The following RORA variants were observed in gnomAD, a reference collection of about 807,000 sequenced individuals.
RORA encodes nuclear receptor ROR-alpha.
Under a neutral mutation model 69.5 loss-of-function variants are expected in RORA, and 7 were observed. The observed-to-expected ratio is 0.10, with a 90% CI of 0.06 to 0.19. The LOEUF is 0.19. Ranked by LOEUF, RORA falls within the 10% of genes least tolerant of loss-of-function variation. The pLI, the probability that RORA is intolerant of heterozygous loss-of-function variation, is 1.00. For missense variants in RORA, 457 were observed against 663.0 expected (o/e 0.69, Z 3.41); for synonymous variants, 261 against 240.8 (o/e 1.08, Z -0.78).
intron 1 of RORA, among the ~76,000 whole-genome samples, chr15:60,876,624 A>G (rs902127127): frequency 1.3e-5 from 2 of 150,024 alleles, no homozygotes; most frequent in African/African-American, 4.9e-5. Context: ...ATTTTTGCTG[A>G]TTTTTTTTTT....
chr15:61,094,883 G>C (rs2078765820), intron 1 of RORA, among the ~76,000 whole-genome samples: 1 of 152,218 alleles, frequency 6.6e-6, no homozygotes, highest in Non-Finnish European at 1.5e-5. Flanking sequence ...CTCTGCCTGA[G>C]GAAGAATTCA....
rs187943186 is a variant in RORA at position 60,668,495 on chromosome 15, G to T, written c.196+10162C>A. Reference sequence around the variant, plus strand: ...AATACTCTTGTGGAGAAACCCTCCAGGGACCCAGAGGCTGCCCAGTTAAGT... The same window carrying T: ...AATACTCTTGTGGAGAAACCCTCCATGGACCCAGAGGCTGCCCAGTTAAGT... On this transcript the variant is annotated intron_variant, in intron 2 of 10. Coordinates refer to ENST00000335670, the MANE Select transcript of RORA (RefSeq NM_134261.3). Among the ~76,000 whole-genome samples the T allele has an allele frequency of 9.0e-4, 137 of 152,258 alleles. 1 individual carries two copies. The highest frequency in any genetic ancestry group is 3.2e-3 in the African/African-American group (131 of 41,554).
intron 1 of RORA, among the ~76,000 whole-genome samples, chr15:61,185,574 A>C (rs1596056294): frequency 6.6e-6 from 1 of 152,162 alleles, no homozygotes; most frequent in East Asian, 1.9e-4. Flanking sequence ...CCCAAACTAG[A>C]AATCTTAGAT....
chr15:60,755,478 A>C (rs1052142142), intron 1 of RORA, among the ~76,000 whole-genome samples: 14 of 152,142 alleles, frequency 9.2e-5, no homozygotes, highest in Non-Finnish European at 1.5e-5. Context: ...AGCATGATTT[A>C]TAATCCTTTG....
chr15:60,834,182 A>C (rs1595752522), intron 1 of RORA, among the ~76,000 whole-genome samples: 1 of 152,320 alleles, frequency 6.6e-6, no homozygotes, highest in African/African-American at 2.4e-5. Context: ...ATCTCCTTCA[A>C]ATGCAAAGAA....
At chr15:61,024,400 C>T (rs1384958766) in intron 1 of RORA, among the ~76,000 whole-genome samples, 5 of 149,686 alleles carry the variant, frequency 3.3e-5, no homozygotes, top group Non-Finnish European at 3.0e-5. Flanking sequence ...CCTCTCACCT[C>T]AGTCTCCCAA....
chr15:60,835,165 T>C (rs143864358), intron 1 of RORA, among the ~76,000 whole-genome samples: 22 of 152,312 alleles, frequency 1.4e-4, no homozygotes, highest in African/African-American at 5.1e-4. Context: ...ATAATTTGGC[T>C]GCTGTCTTGG....
chr15:61,217,683 T>C (rs1169135737), intron 1 of RORA, among the ~76,000 whole-genome samples: 4 of 152,034 alleles, frequency 2.6e-5, no homozygotes, highest in African/African-American at 7.3e-5. Flanking sequence ...CCCTAGCACA[T>C]AGAAAGTACT....
chr15:60,789,919 A>G (rs970378874), intron 1 of RORA, among the ~76,000 whole-genome samples: 2 of 152,248 alleles, frequency 1.3e-5, no homozygotes, highest in African/African-American at 4.8e-5. Flanking sequence ...CCAGTCTGTG[A>G]TAGGCACAGC....
chr15:60,807,491 C>A (rs1486459694), intron 1 of RORA, among the ~76,000 whole-genome samples: 2 of 152,084 alleles, frequency 1.3e-5, no homozygotes, highest in African/African-American at 4.8e-5. Context: ...GTGAAAATGA[C>A]CATACTGCCA....
chr15:60,710,342 G>A (rs764871302), intron 1 of RORA, among the ~76,000 whole-genome samples: 5 of 152,050 alleles, frequency 3.3e-5, no homozygotes, highest in Non-Finnish European at 7.4e-5. Context: ...TACAAAATCA[G>A]TTGGGCCTGG....
At chr15:60,947,417 T>A (rs965216682) in intron 1 of RORA, among the ~76,000 whole-genome samples, 1 of 152,210 alleles carries the variant, frequency 6.6e-6, no homozygotes, top group South Asian at 2.1e-4. Context: ...CTCTGAAACA[T>A]GTGCTGTGTC....
At chr15:60,713,049 CT>C (rs2071165465) in intron 1 of RORA, among the ~76,000 whole-genome samples, 1 of 152,094 alleles carries the variant, frequency 6.6e-6, no homozygotes, top group African/African-American at 2.4e-5. Context: ...TTTTCATTTC[CT>C]TTACTTTTTT....
At chr15:61,209,837 T>G (rs2079974986) in intron 1 of RORA, among the ~76,000 whole-genome samples, 1 of 152,224 alleles carries the variant, frequency 6.6e-6, no homozygotes, top group Non-Finnish European at 1.5e-5. Context: ...ATATTTAGCC[T>G]CCCTAAATCT....
At chr15:60,705,085 T>A (rs1186652435) in intron 1 of RORA, among the ~76,000 whole-genome samples, 4 of 151,514 alleles carry the variant, frequency 2.6e-5, no homozygotes, top group African/African-American at 9.7e-5. Context: ...TTTGCTTTCC[T>A]CCTAGTAAGA....
intron 3 of RORA, chr15:60,530,452 C>T (rs1262697705): frequency 1.3e-5 from 2 of 152,064 alleles, no homozygotes; most frequent in Middle Eastern, 3.2e-3. Context: ...CACCACTACA[C>T]CGGGCCTCTC....
At chr15:60,498,164 T>C (rs1229819734) in intron 10 of RORA, among the ~76,000 whole-genome samples, 1 of 152,208 alleles carries the variant, frequency 6.6e-6, no homozygotes, top group Admixed American at 6.5e-5. Flanking sequence ...AGAAAAGATG[T>C]TCATAAGCAA....
intron 1 of RORA, among the ~76,000 whole-genome samples, chr15:61,106,353 T>C (rs911792173): frequency 6.6e-6 from 1 of 152,244 alleles, no homozygotes; most frequent in Non-Finnish European, 1.5e-5. Flanking sequence ...TTGTGTGCTA[T>C]AGACTAAGTT....
intron 1 of RORA, among the ~76,000 whole-genome samples, chr15:60,792,958 A>C (rs938210942): frequency 6.6e-6 from 1 of 152,072 alleles, no homozygotes; most frequent in African/African-American, 2.4e-5. Flanking sequence ...TCTTTGTCAC[A>C]AAACCCCTAA....
Sources: allele counts gnomAD v4.1 joint callset (sites outside exome capture counted in the v4.1 genomes callset), GRCh38; gene constraint gnomAD v4.1.1; transcripts MANE v1.5; gene names NCBI Gene and HGNC (gene_info 2026-07-23, HGNC 2026-07-21).